The following TRNT1 variants were observed in gnomAD, a reference collection of about 807,000 sequenced individuals.
The protein encoded by TRNT1 is tRNA nucleotidyl transferase 1, also known as CCA tRNA nucleotidyltransferase 1, mitochondrial.
A neutral mutation model predicts 45.6 loss-of-function variants in TRNT1; 44 were observed. The ratio of observed to expected loss-of-function variants is 0.97; its 90% confidence interval spans 0.76 to 1.24. The LOEUF is 1.24. Among genes scored for constraint, TRNT1 ranks in the 50% most tolerant of loss-of-function variants. TRNT1 has a pLI of 0.00. For missense variants in TRNT1, 633 were observed against 504.4 expected, an observed-to-expected ratio of 1.25 and a Z score of -2.44; for synonymous variants, 201 against 171.4, an observed-to-expected ratio of 1.17 and a Z score of -1.35.
chr3:3,129,193 G>C lies in TRNT1; in HGVS notation c.148+5G>C, dbSNP rs762175898. The C allele has an allele frequency of 6.8e-6, 11 of 1,613,622 alleles. No individual in the cohort carries two copies. The highest frequency in any genetic ancestry group is 9.3e-6 in the Non-Finnish European group (11 of 1,179,796). ...AAGGACTGAAGAGTCTGACAGGTGA[G>C]AGATTAGGATACCTTTTCTTGATTG... is the stretch of plus-strand genomic sequence containing the variant. On this transcript the variant is annotated splice_donor_5th_base_variant and intron_variant, in intron 2 of 7. Coordinates refer to ENST00000251607, the MANE Select transcript of TRNT1 (RefSeq NM_182916.3).
In TRNT1 at chr3:3,148,127, A is replaced by C. The variant is rs770832123; in HGVS notation, c.1278A>C (p.Glu426Asp). The C allele has an allele frequency of 5.0e-6, 8 of 1,613,604 alleles. No individual in the cohort carries two copies. In the South Asian group the frequency reaches 7.7e-5, roughly 16 times the overall value. ...GTGGTTACCAAATGGAAAAAGATGA[A>C]CTTCTGAGTTACATAAAGAAGACCT... The part of the protein sequence containing the change: ...KKSGYQMEKD[E>D]LLSYIKKT Residue 426 changes from glutamate to aspartate, a missense_variant, in exon 8 of 8, where the codon GAA becomes GAC. Physicochemically the swap from Glu to Asp is conservative, Grantham distance 45 (BLOSUM62 2). Transcript: ENST00000251607.
chr3:3,146,658 C>T (rs1706042549), intron 6 of TRNT1, 35 bp downstream of exon 6: 2 of 1,482,618 alleles, frequency 1.3e-6, no homozygotes, highest in Non-Finnish European at 1.8e-6. Flanking sequence ...GAATTTTTGG[C>T]AGTGAAATAT....
chr3:3,132,697 T>TCA (rs1553552167), intron 2 of TRNT1, among the ~76,000 whole-genome samples: 1 of 37,558 alleles, frequency 2.7e-5, no homozygotes, highest in South Asian at 7.7e-4. Flanking sequence ...AAAAAAAAAT[T>TCA]AAAAAAATAA....
chr3:3,152,939 G>A, downstream of TRNT1: 1 of 316,172 alleles, frequency 3.2e-6, no homozygotes. Context: ...GGTCATTTTG[G>A]GGCAGTTGAT....
At chr3:3,132,803 G>T (rs980162383) in intron 2 of TRNT1, among the ~76,000 whole-genome samples, 1 of 149,472 alleles carries the variant, frequency 6.7e-6, no homozygotes, top group African/African-American at 2.5e-5. Flanking sequence ...AAGGAAGTTA[G>T]AGCCTAAATG....
intron 3 of TRNT1, among the ~76,000 whole-genome samples, chr3:3,139,306 T>C (rs1008223226): frequency 1.3e-5 from 2 of 152,236 alleles, no homozygotes; most frequent in Admixed American, 6.5e-5. Context: ...CAGAGATACT[T>C]GTGCCTCAAA....
At chr3:3,152,432 A>G (rs767479514), downstream of TRNT1, 20 of 1,602,688 alleles carry the variant, frequency 1.2e-5, 1 homozygote, top group South Asian at 2.2e-4. Flanking sequence ...AGAAAAAAAA[A>G]AGCAACCACC....
intron 3 of TRNT1, among the ~76,000 whole-genome samples, chr3:3,139,671 G>C (rs62228616): frequency 0.041 from 6,205 of 152,242 alleles, 259 homozygotes; most frequent in African/African-American, 0.11. Context: ...AAGTTACTCA[G>C]CTTCCCCAGC....
chr3:3,138,885 G>T (rs1705479362), intron 3 of TRNT1, among the ~76,000 whole-genome samples: 1 of 152,120 alleles, frequency 6.6e-6, no homozygotes, highest in Admixed American at 6.6e-5. Flanking sequence ...TTGAATTTGG[G>T]TGATGCTCTG....
chr3:3,137,413 T>TA lies in TRNT1; in HGVS notation c.305dup (p.Asn102LysfsTer16). On this transcript the variant is annotated frameshift_variant, in exon 3 of 8. Coordinates refer to ENST00000251607, the MANE Select transcript of TRNT1 (RefSeq NM_182916.3). LOFTEE classifies it high-confidence loss of function. ...TTTCAGTCGGCTGGGATTCGGATGATAAACAACAGAGGAGAAAAGCACGGA... is the reference window on the plus strand; with the variant it reads ...TTTCAGTCGGCTGGGATTCGGATGATAAAACAACAGAGGAGAAAAGCACGGA... The TA allele has an allele frequency of 1.2e-6, 2 of 1,613,544 alleles. No homozygotes were observed. Among genetic ancestry groups the TA allele is most frequent in the Non-Finnish European group, 1.7e-6 (2 of 1,179,764 alleles).
At chr3:3,138,765 C>G (rs186135345) in intron 3 of TRNT1, among the ~76,000 whole-genome samples, 1 of 152,156 alleles carries the variant, frequency 6.6e-6, no homozygotes, top group Non-Finnish European at 1.5e-5. Context: ...TGGAAAGCTT[C>G]CCGTTCATGT....
chr3:3,147,868 A>T (rs956246490), intron 7 of TRNT1, 38 bp from the exon 8 acceptor site: 1 of 1,585,212 alleles, frequency 6.3e-7, no homozygotes, highest in African/African-American at 1.4e-5. Flanking sequence ...GTATGTTTTC[A>T]TGTGTGACGA....
intron 5 of TRNT1, 37 bp downstream of exon 5, chr3:3,144,747 TATC>T: frequency 6.8e-7 from 1 of 1,475,882 alleles, no homozygotes; most frequent in Non-Finnish European, 9.1e-7. Context: ...ATAGTTTTAA[TATC>T]ATGACTAGAG....
intron 4 of TRNT1, among the ~76,000 whole-genome samples, chr3:3,141,323 C>T (rs1252500828): frequency 6.6e-6 from 1 of 151,910 alleles, no homozygotes; most frequent in East Asian, 1.9e-4. Context: ...GGTACATGTA[C>T]ATACTCCACA....
At chr3:3,139,809 C>T (rs2126021704) in intron 3 of TRNT1, among the ~76,000 whole-genome samples, 1 of 152,204 alleles carries the variant, frequency 6.6e-6, no homozygotes, top group African/African-American at 2.4e-5. Context: ...TCACTGCAGC[C>T]TCTGCCTCCC....
chr3:3,127,648 T>C (rs1457402130), intron 1 of TRNT1: 4 of 152,230 alleles, frequency 2.6e-5, no homozygotes, highest in Non-Finnish European at 4.4e-5. Context: ...GTCTAGGAGC[T>C]ATCCCAGGGT....
chr3:3,151,406 A>AAGTT (rs1197702484), downstream of TRNT1, among the ~76,000 whole-genome samples: 1 of 152,176 alleles, frequency 6.6e-6, no homozygotes, highest in East Asian at 1.9e-4. Context: ...TATTGCAGTC[A>AAGTT]AGTTAGAAAA....
chr3:3,153,406 AC>A, downstream of TRNT1: 1 of 1,354,260 alleles, frequency 7.4e-7, no homozygotes, highest in Non-Finnish European at 1.1e-6. Context: ...TATATTAAAA[AC>A]GTAATAAAGA....
Position 3,140,149 on chromosome 3 carries a change from G to A in TRNT1, c.343-361G>A, listed in dbSNP as rs191259667. Among the ~76,000 whole-genome samples, 82 of 152,272 alleles carry A rather than the reference G, an allele frequency of 5.4e-4. No homozygotes were observed. In the Middle Eastern group the frequency reaches 0.01, roughly 19 times the overall value. On this transcript the variant is annotated intron_variant, in intron 3 of 7. Transcript: ENST00000251607. ...TCCATAAATTGACATTCACCTCTTTGCAAACTGGAGCTATTAAAAATATTT... is the reference window on the plus strand; with the variant it reads ...TCCATAAATTGACATTCACCTCTTTACAAACTGGAGCTATTAAAAATATTT...
Sources: allele counts gnomAD v4.1 joint callset (sites outside exome capture counted in the v4.1 genomes callset), GRCh38; gene constraint gnomAD v4.1.1; transcripts MANE v1.5; gene names NCBI Gene and HGNC (gene_info 2026-07-23, HGNC 2026-07-21).